CFAP69: variants seen among roughly 807,000 people sequenced by gnomAD.
The protein encoded by CFAP69 is cilia- and flagella-associated protein 69.
A neutral mutation model predicts 123.0 loss-of-function variants in CFAP69; 92 were observed. The ratio of observed to expected loss-of-function variants is 0.75; its 90% confidence interval spans 0.63 to 0.89. The LOEUF is 0.89. CFAP69 is among the 40% of genes least tolerant of loss of function. CFAP69 has a pLI of 0.00. For missense variants in CFAP69, 1,067 were observed against 1,096.9 expected (o/e 0.97, Z 0.39); for synonymous variants, 380 against 364.3 (o/e 1.04, Z -0.49).
intron 9 of CFAP69, among the ~76,000 whole-genome samples, chr7:90,274,455 C>A (rs2116955352): frequency 6.6e-6 from 1 of 152,314 alleles, no homozygotes; most frequent in Admixed American, 6.5e-5. Context: ...CTGCTGGCAA[C>A]AAGTTATCTT....
chr7:90,259,033 T>A (rs1797986118), intron 3 of CFAP69, among the ~76,000 whole-genome samples: 1 of 152,212 alleles, frequency 6.6e-6, no homozygotes, highest in African/African-American at 2.4e-5. Flanking sequence ...TGCTTGATAA[T>A]CTGCAAAATA....
chr7:90,296,664 G>A (rs1011755876), intron 15 of CFAP69, among the ~76,000 whole-genome samples: 2 of 152,082 alleles, frequency 1.3e-5, no homozygotes, highest in Admixed American at 6.5e-5. Flanking sequence ...AAATGTGCCC[G>A]AGGTGGTTGG....
rs774109218 is a variant in CFAP69, at chr7:90,297,732, C to T, written c.1776-17C>T. 6.7e-7 allele frequency: 1 copy of T among 1,486,760 alleles called. No individual in the cohort carries two copies. The highest frequency in any genetic ancestry group is 9.2e-7 in the Non-Finnish European group (1 of 1,088,674). 92.1% of individuals were successfully genotyped at this position (1,486,760 alleles called of 1,614,324 possible). A position where few individuals can be genotyped will look rare whatever the true frequency, so the allele number is the denominator to read the frequency against. On this transcript the variant is annotated splice_polypyrimidine_tract_variant and intron_variant, in intron 15 of 22. Coordinates refer to ENST00000389297, the MANE Select transcript of CFAP69 (RefSeq NM_001039706.3). ...CAATAAATGTTTGTCAAATGAATAA[C>T]TTTCTTTTAATTTAAGGTGCTGTAT...
intron 3 of CFAP69, among the ~76,000 whole-genome samples, chr7:90,261,390 A>G (rs890988199): frequency 6.6e-6 from 1 of 152,174 alleles, no homozygotes; most frequent in Non-Finnish European, 1.5e-5. Context: ...AAAATAAAAG[A>G]TGCTTTTATC....
chr7:90,300,760 C>A lies in CFAP69; in HGVS notation c.2050+701C>A, dbSNP rs150356785. ...CTGCCTCCCAGGCTCAAGCGATTTTCCTGCCTTAGCCTCCCAAGTAGCTGG... is the reference window on the plus strand; with the variant it reads ...CTGCCTCCCAGGCTCAAGCGATTTTACTGCCTTAGCCTCCCAAGTAGCTGG... On this transcript the variant is annotated intron_variant, in intron 17 of 22. Coordinates refer to ENST00000389297, the MANE Select transcript of CFAP69 (RefSeq NM_001039706.3). 8.7e-3 allele frequency: 1,351 copies of A among 155,800 alleles called. 20 individuals are homozygous for A. The highest frequency in any genetic ancestry group is 0.031 in the African/African-American group (1,263 of 41,206). The allele number at this position is 155,800 out of a possible 1,614,324, so 9.7% of individuals were successfully genotyped here.
intron 16 of CFAP69, 23 bp downstream of exon 16, chr7:90,297,853 T>A: frequency 6.7e-7 from 1 of 1,501,262 alleles, no homozygotes; most frequent in Non-Finnish European, 9.0e-7. Context: ...ATAACAATCA[T>A]AAGACAAAAG....
intron 4 of CFAP69, 72 bp from the exon 5 acceptor site, chr7:90,265,229 C>A: frequency 1.1e-6 from 1 of 873,398 alleles, no homozygotes; most frequent in Non-Finnish European, 1.9e-6. Context: ...GAACTCTCCC[C>A]CACTTACAAA....
At chr7:90,281,310 T>G (rs1015845277) in intron 12 of CFAP69, among the ~76,000 whole-genome samples, 1 of 152,206 alleles carries the variant, frequency 6.6e-6, no homozygotes, top group Non-Finnish European at 1.5e-5. Context: ...CAACTTTTTT[T>G]TTTTTTAGCT....
chr7:90,320,045 T>A, the CFAP69 span, among the ~76,000 whole-genome samples: 1 of 152,234 alleles, frequency 6.6e-6, no homozygotes, highest in African/African-American at 2.4e-5. Flanking sequence ...AAAGAGCTTA[T>A]GCTCCAACCT....
At chr7:90,292,495 G>T (rs1366842677) in intron 15 of CFAP69, among the ~76,000 whole-genome samples, 2 of 152,136 alleles carry the variant, frequency 1.3e-5, no homozygotes, top group Non-Finnish European at 2.9e-5. Flanking sequence ...TTCTCCAATT[G>T]TGTCCTGTTG....
rs1292936969 is a variant in CFAP69, at chr7:90,306,970, A to G, written c.2335A>G (p.Lys779Glu). The change falls in exon 20 of 23, where the codon AAA becomes GAA. Residue 779 changes from lysine to glutamate, a missense_variant. Lys to Glu is a moderately conservative substitution (Grantham distance 56). Coordinates refer to ENST00000389297, the MANE Select transcript of CFAP69 (RefSeq NM_001039706.3). ...LEKLRPVTTD[K>E]KALEAITTAS... ...AAAATTAAGACCAGTCACTACAGAT[A>G]AAAAAGCTTTGGAAGCTATTACAAC... 1 of 1,596,978 alleles carries G rather than the reference A, an allele frequency of 6.3e-7. No individual in the cohort carries two copies. The highest frequency in any genetic ancestry group is 8.6e-7 in the Non-Finnish European group (1 of 1,165,992).
chr7:90,285,177 G>A (rs2117114098), intron 13 of CFAP69, among the ~76,000 whole-genome samples: 1 of 152,224 alleles, frequency 6.6e-6, no homozygotes, highest in Middle Eastern at 3.4e-3. Flanking sequence ...TCCTGATAAA[G>A]CGATATAGGC....
chr7:90,314,826 C>G (rs1019814399), downstream of CFAP69, among the ~76,000 whole-genome samples: 2 of 151,814 alleles, frequency 1.3e-5, no homozygotes, highest in Admixed American at 6.6e-5. Flanking sequence ...CCCACTAACT[C>G]ATCATCTAGC....
intron 20 of CFAP69, 115 bp downstream of exon 20, chr7:90,307,213 T>A (rs953729436): frequency 1.4e-6 from 1 of 718,644 alleles, no homozygotes; most frequent in African/African-American, 1.8e-5. Flanking sequence ...ACAACTATAG[T>A]AACAATAATT....
chr7:90,260,146 AT>A (rs985618468), intron 3 of CFAP69, among the ~76,000 whole-genome samples: 19 of 152,152 alleles, frequency 1.2e-4, no homozygotes, highest in African/African-American at 4.6e-4. Flanking sequence ...ACCCAAGACA[AT>A]TCTTCTTCTT....
In CFAP69 at chr7:90,277,662, C is replaced by T. The variant is rs147466397; in HGVS notation, c.1155+328C>T. On this transcript the variant is annotated intron_variant, in intron 11 of 22. Coordinates refer to ENST00000389297, the MANE Select transcript of CFAP69 (RefSeq NM_001039706.3). ...TTCCAGCCTAATAATCTGTCTCTGACCATAACAAGGACTGATTTAATGCTG... is the reference window on the plus strand; with the variant it reads ...TTCCAGCCTAATAATCTGTCTCTGATCATAACAAGGACTGATTTAATGCTG... Among the ~76,000 whole-genome samples, 172 of 152,204 alleles carry T rather than the reference C, an allele frequency of 1.1e-3. 2 individuals carry two copies. Among genetic ancestry groups the T allele is most frequent in the African/African-American group, 4.0e-3 (166 of 41,552 alleles).
intron 8 of CFAP69, among the ~76,000 whole-genome samples, chr7:90,273,225 A>G (rs1800213211): frequency 6.6e-6 from 1 of 152,220 alleles, no homozygotes; most frequent in South Asian, 2.1e-4. Flanking sequence ...AAATATAATT[A>G]GCAAAATCAG....
At chr7:90,267,497 A>G (rs949897801) in intron 5 of CFAP69, among the ~76,000 whole-genome samples, 1 of 152,188 alleles carries the variant, frequency 6.6e-6, no homozygotes, top group Non-Finnish European at 1.5e-5. Context: ...GATCATGTTT[A>G]TAGGACTTCA....
chr7:90,296,576 C>G (rs370458249), intron 15 of CFAP69, among the ~76,000 whole-genome samples: 2 of 152,004 alleles, frequency 1.3e-5, no homozygotes, highest in African/African-American at 4.8e-5. Flanking sequence ...GATCCACCCC[C>G]CTCAGCCTCC....
Sources: gnomAD v4.1 joint callset for allele counts (sites outside exome capture counted in the v4.1 genomes callset) on GRCh38, gnomAD v4.1.1 for gene constraint, MANE v1.5 for transcripts, NCBI Gene and HGNC (gene_info 2026-07-23, HGNC 2026-07-21) for gene names.